The following ATRNL1 variants were observed in gnomAD, a reference collection of about 807,000 sequenced individuals.
The protein encoded by ATRNL1 is attractin like 1, also known as attractin-like protein 1.
Under a neutral mutation model 182.7 loss-of-function variants are expected in ATRNL1, and 95 were observed. The observed-to-expected ratio is 0.52, with a 90% confidence interval of 0.44 to 0.62. The LOEUF (loss-of-function observed/expected upper bound fraction) is 0.62, where lower values mean the gene tolerates loss of function less well. Among genes scored for constraint, ATRNL1 ranks in the 20% least tolerant of loss-of-function variants. The probability of loss-of-function intolerance (pLI) is 0.00; values close to 1 mark genes in which losing one functional copy is unlikely to be tolerated. For synonymous variants in ATRNL1, 576 were observed against 568.3 expected, an observed-to-expected ratio of 1.01 and a Z score of -0.19; for missense variants, 1,471 against 1,679.5, an observed-to-expected ratio of 0.88 and a Z score of 2.17.
intron 20 of ATRNL1, among the ~76,000 whole-genome samples, chr10:115,423,765 A>C (rs1343844852): frequency 6.6e-6 from 1 of 152,224 alleles, no homozygotes; most frequent in Non-Finnish European, 1.5e-5. Context: ...CACTTAAAAA[A>C]AAATCAAAAT....
chr10:115,806,186 G>A (rs1327872788), intron 27 of ATRNL1, among the ~76,000 whole-genome samples: 5 of 152,106 alleles, frequency 3.3e-5, no homozygotes, highest in African/African-American at 1.2e-4. Flanking sequence ...GTGAGGAACG[G>A]TCAGATATTG....
At chr10:115,516,848 G>A (rs1459545639) in intron 24 of ATRNL1, among the ~76,000 whole-genome samples, 1 of 151,820 alleles carries the variant, frequency 6.6e-6, no homozygotes, top group Non-Finnish European at 1.5e-5. Context: ...AGTGAGGCCA[G>A]CAGCTCTAAC....
intron 28 of ATRNL1, among the ~76,000 whole-genome samples, chr10:115,909,144 T>C (rs1555115232): frequency 6.6e-6 from 1 of 151,838 alleles, no homozygotes; most frequent in Non-Finnish European, 1.5e-5. Context: ...GTTTTCTCTC[T>C]CCCCCTAGGC....
intron 20 of ATRNL1, among the ~76,000 whole-genome samples, chr10:115,400,821 A>T (rs1844528594): frequency 6.6e-6 from 1 of 151,856 alleles, no homozygotes; most frequent in African/African-American, 2.4e-5. Flanking sequence ...CTTAGTTTTG[A>T]GGCTATGTGT....
chr10:115,640,332 A>T (rs1859158687), intron 26 of ATRNL1, among the ~76,000 whole-genome samples: 1 of 152,174 alleles, frequency 6.6e-6, no homozygotes, highest in South Asian at 2.1e-4. Flanking sequence ...CTGGTTCTAG[A>T]TCATTGAGGA....
chr10:115,187,276 A>G (rs528619636), intron 8 of ATRNL1, among the ~76,000 whole-genome samples: 33 of 152,242 alleles, frequency 2.2e-4, no homozygotes, highest in African/African-American at 7.5e-4. Flanking sequence ...AGAAATGCCT[A>G]ACCTGAAGCT....
At chr10:115,428,313 T>G (rs1235892238) in intron 21 of ATRNL1, among the ~76,000 whole-genome samples, 2 of 152,106 alleles carry the variant, frequency 1.3e-5, no homozygotes, top group African/African-American at 4.8e-5. Flanking sequence ...ACTCTCAGAA[T>G]TTCTACACAT....
chr10:115,650,805 G>GT (rs1375168802), intron 26 of ATRNL1, among the ~76,000 whole-genome samples: 4 of 151,916 alleles, frequency 2.6e-5, no homozygotes, highest in Admixed American at 2.0e-4. Context: ...ATTTTTTTGT[G>GT]TTTTTTATGT....
intron 26 of ATRNL1, among the ~76,000 whole-genome samples, chr10:115,603,233 A>G (rs1243192872): frequency 6.6e-6 from 1 of 152,166 alleles, no homozygotes; most frequent in Non-Finnish European, 1.5e-5. Flanking sequence ...TTCCAAGCTA[A>G]TGATAAATTA....
chr10:115,401,144 T>TGG (rs1259696554), intron 20 of ATRNL1, among the ~76,000 whole-genome samples: 6 of 152,006 alleles, frequency 3.9e-5, no homozygotes, highest in African/African-American at 1.4e-4. Flanking sequence ...TTCTAATAAT[T>TGG]GGGGAGTGCT....
At chr10:115,149,315 C>T (rs1246594922) in intron 5 of ATRNL1, among the ~76,000 whole-genome samples, 1 of 152,084 alleles carries the variant, frequency 6.6e-6, no homozygotes, top group Non-Finnish European at 1.5e-5. Context: ...CTTATCTATG[C>T]TTGCAGCTTG....
chr10:115,726,996 T>C (rs985624874), intron 26 of ATRNL1, among the ~76,000 whole-genome samples: 4 of 152,148 alleles, frequency 2.6e-5, no homozygotes, highest in Admixed American at 6.5e-5. Flanking sequence ...TTGAGTACAT[T>C]GTATTAGGCC....
chr10:115,348,748 AT>A (rs782180779), intron 19 of ATRNL1, among the ~76,000 whole-genome samples: 6 of 152,164 alleles, frequency 3.9e-5, no homozygotes, highest in Non-Finnish European at 8.8e-5. Flanking sequence ...GAGTGATAGA[AT>A]TAGTGACAAA....
At chr10:115,163,931 A>G (rs1178941079) in intron 6 of ATRNL1, among the ~76,000 whole-genome samples, 1 of 152,220 alleles carries the variant, frequency 6.6e-6, no homozygotes, top group Non-Finnish European at 1.5e-5. Context: ...GTAGGAAATA[A>G]GTTAAACAAT....
intron 24 of ATRNL1, among the ~76,000 whole-genome samples, chr10:115,509,353 A>G (rs1489964461): frequency 6.6e-6 from 1 of 151,954 alleles, no homozygotes. Flanking sequence ...CCAAAATCTC[A>G]TGTTCAGTTG....
At chr10:115,466,807 C>A (rs1406392033) in intron 22 of ATRNL1, among the ~76,000 whole-genome samples, 1 of 151,028 alleles carries the variant, frequency 6.6e-6, no homozygotes. Context: ...TGGGACTAAT[C>A]CAAACCTGTT....
intron 26 of ATRNL1, among the ~76,000 whole-genome samples, chr10:115,643,260 T>C (rs990822169): frequency 6.6e-6 from 1 of 152,160 alleles, no homozygotes; most frequent in Non-Finnish European, 1.5e-5. Context: ...GCTGGAACAA[T>C]TGGGTATAAA....
At chr10:115,871,304 A>G (rs199967492) in intron 28 of ATRNL1, among the ~76,000 whole-genome samples, 1 of 151,268 alleles carries the variant, frequency 6.6e-6, no homozygotes, top group East Asian at 1.9e-4. Context: ...CCCAGATATA[A>G]CAATGACAAT....
chr10:115,370,599 G>A (rs7907265), intron 19 of ATRNL1, among the ~76,000 whole-genome samples: 1,963 of 152,292 alleles, frequency 0.013, 38 homozygotes, highest in African/African-American at 0.044. Flanking sequence ...TGAGAGAGAT[G>A]ATTTAGGGTA....
Sources: allele counts gnomAD v4.1 joint callset (sites outside exome capture counted in the v4.1 genomes callset), GRCh38; gene constraint gnomAD v4.1.1; transcripts MANE v1.5; gene names NCBI Gene and HGNC (gene_info 2026-07-23, HGNC 2026-07-21).